Variants in RFX2 observed in about 807,000 individuals in gnomAD.
The protein encoded by RFX2 is DNA-binding protein RFX2.
A neutral mutation model predicts 87.8 loss-of-function variants in RFX2; 20 were observed. The observed-to-expected ratio is 0.23, with a 90% CI of 0.16 to 0.33. The LOEUF (loss-of-function observed/expected upper bound fraction) is 0.33, where lower values mean the gene tolerates loss of function less well. Ranked by LOEUF, RFX2 falls within the 10% of genes least tolerant of loss-of-function variation. The pLI is 1.00. For missense variants in RFX2, 767 were observed against 1,012.3 expected (o/e 0.76, Z 3.29); for synonymous variants, 397 against 431.3 (o/e 0.92, Z 0.98).
chr19:6,042,094 G>A lies in RFX2; in HGVS notation c.210C>T (p.Ala70=). ...CTCCCCCTTCCACGTACTGCACCTG[G>A]GCAGGATACACGTGCTGCACCGGCT... The part of the protein sequence containing the change: ...QVQPVQHVYP[A]QVQYVEGGDA... The change falls in exon 4 of 18, where the codon GCC becomes GCT. Residue 70 remains alanine (A), a synonymous_variant. Transcript: ENST00000303657. 1 of 1,613,920 alleles carries A rather than the reference G, an allele frequency of 6.2e-7. No homozygotes were observed. Among genetic ancestry groups the A allele is most frequent in the Non-Finnish European group, 8.5e-7 (1 of 1,180,004 alleles).
Position 6,044,222 on chromosome 19 carries a change from G to A in RFX2, c.151C>T (p.Leu51Phe). ...TGGGGTACCTGCTGAACTCTGGGGA[G>A]GGAGATCGGCTGCATCTGGGCCCCT... is the stretch of plus-strand genomic sequence containing the variant. ...PKGAQMQPIS[L>F]PRVQQVPQQV... Residue 51 changes from leucine (L) to phenylalanine (F), a missense_variant, in exon 3 of 18, where the codon CTC (leucine) becomes TTC (phenylalanine). Around this residue, in one of 2 missense-constraint regions of RFX2, gnomAD observed 146 missense variants for 139.2 expected, o/e 1.05. Transcript: ENST00000303657. The surrounding 1 kb of genome is among the most constrained non-coding windows in gnomAD (Gnocchi z 5.3). The A allele has an allele frequency of 1.3e-6, 2 of 1,579,414 alleles. No homozygotes were observed. The highest frequency in any genetic ancestry group is 1.7e-6 in the Non-Finnish European group (2 of 1,163,020).
At chr19:6,096,808 C>T (rs147148976) in intron 1 of RFX2, among the ~76,000 whole-genome samples, 35 of 152,250 alleles carry the variant, frequency 2.3e-4, no homozygotes, top group Middle Eastern at 6.8e-3. Context: ...TTTAATTCAA[C>T]GCACTCCTGG....
rs546585115 is a variant in RFX2, at chr19:6,106,611, T to C, written c.-9+3782A>G. 2.3e-4 allele frequency among the ~76,000 whole-genome samples: 35 copies of C among 152,162 alleles called. No individual in the cohort carries two copies. In the South Asian group the frequency reaches 7.3e-3, roughly 32 times the overall value. ...GTTTAGTGGGAATGCCCTGGACCCA[T>C]AGTTTCAGAGACAGGCCCACAGACT... On this transcript the variant is annotated intron_variant, in intron 1 of 17. Coordinates refer to ENST00000303657, the MANE Select transcript of RFX2 (RefSeq NM_000635.4).
intron 12 of RFX2, 136 bp downstream of exon 12, chr19:6,006,876 G>A (rs957998794): frequency 1.1e-6 from 1 of 948,194 alleles, no homozygotes. Context: ...ACTGGCATGA[G>A]CCACCGCGCC....
At chr19:6,062,677 T>C (rs144003670) in intron 1 of RFX2, among the ~76,000 whole-genome samples, 9 of 152,348 alleles carry the variant, frequency 5.9e-5, no homozygotes, top group African/African-American at 1.7e-4. Context: ...ATTGGAGCTA[T>C]CATGAACTGA....
At chr19:6,084,914 G>A (rs1014048854) in intron 1 of RFX2, among the ~76,000 whole-genome samples, 3 of 152,204 alleles carry the variant, frequency 2.0e-5, no homozygotes, top group Non-Finnish European at 4.4e-5. Flanking sequence ...TGGGATTAGA[G>A]GTGTGAGCCA....
At chr19:6,014,059 G>A (rs2086693505) in intron 7 of RFX2, among the ~76,000 whole-genome samples, 1 of 152,092 alleles carries the variant, frequency 6.6e-6, no homozygotes. Flanking sequence ...ATGATGATCA[G>A]AGGGCTTTAA....
chr19:6,043,431 T>C (rs2087140787), intron 3 of RFX2, among the ~76,000 whole-genome samples: 1 of 152,354 alleles, frequency 6.6e-6, no homozygotes, highest in East Asian at 1.9e-4. Flanking sequence ...GTGCATTCTC[T>C]AGGGCCTCAG....
intron 1 of RFX2, among the ~76,000 whole-genome samples, chr19:6,062,035 G>T (rs2087441431): frequency 6.6e-6 from 1 of 152,128 alleles, no homozygotes; most frequent in African/African-American, 2.4e-5. Flanking sequence ...GGTGGCTGAT[G>T]TCTGTAATTC....
rs1439425246 is a variant in RFX2 at position 6,056,307 on chromosome 19, G to A, written c.-8-8803C>T. 6.6e-6 allele frequency among the ~76,000 whole-genome samples: 1 copy of A among 152,190 alleles called. No homozygotes were observed. Among genetic ancestry groups the A allele is most frequent in the African/African-American group, 2.4e-5 (1 of 41,448 alleles). The stretch of plus-strand genomic sequence containing the variant: ...CCTGTAGAGGGTGGTGGCTTCATAA[G>A]TTTCATTGCATTGTGTATTTACTTT... On this transcript the variant is annotated intron_variant, in intron 1 of 17. Transcript: ENST00000303657. The surrounding 1 kb of genome is among the most constrained non-coding windows in gnomAD (Gnocchi z 4.6).
chr19:6,018,631 T>C (rs1315205987), intron 6 of RFX2, among the ~76,000 whole-genome samples: 3 of 152,212 alleles, frequency 2.0e-5, no homozygotes, highest in African/African-American at 7.2e-5. Context: ...CCAGATGTGT[T>C]ACTTTGGAAC....
In RFX2 at chr19:6,042,505, T is replaced by TTTTG. The variant is rs1555776970; in HGVS notation, c.181-386_181-383dup. On this transcript the variant is annotated intron_variant, in intron 3 of 17. Coordinates refer to ENST00000303657, the MANE Select transcript of RFX2 (RefSeq NM_000635.4). ...ACTGTCCCTGGTTTCTGTTTTTTTT[T>TTTTG]TTTGTTTGTTTGTTTGTTTTTTTGC... Among the ~76,000 whole-genome samples the TTTTG allele has an allele frequency of 1.3e-5, 2 of 151,990 alleles. 1 individual carries two copies. The highest frequency in any genetic ancestry group is 1.3e-4 in the Admixed American group (2 of 15,276).
intron 1 of RFX2, among the ~76,000 whole-genome samples, chr19:6,079,097 A>T (rs552449790): frequency 6.6e-6 from 1 of 152,344 alleles, no homozygotes; most frequent in East Asian, 1.9e-4. Context: ...ATCATTTTAA[A>T]AGTTGTAATT....
intron 1 of RFX2, among the ~76,000 whole-genome samples, chr19:6,059,831 GATAAT>G: frequency 6.6e-6 from 1 of 152,184 alleles, no homozygotes; most frequent in South Asian, 2.1e-4. Context: ...CCTGACGCAG[GATAAT>G]ATGAGAAGAA....
Position 6,064,160 on chromosome 19 carries a change from C to T in RFX2, c.-8-16656G>A, listed in dbSNP as rs1233992112. Among the ~76,000 whole-genome samples, 2 of 152,208 alleles carry T rather than the reference C, an allele frequency of 1.3e-5. No homozygotes were observed. The highest frequency in any genetic ancestry group is 2.9e-5 in the Non-Finnish European group (2 of 68,034). ...TGCTCAAGACGTGTTTTGCAATGAA[C>T]AAGAGAATGAGCAGCCCGCCTGCTC... On this transcript the variant is annotated intron_variant, in intron 1 of 17. Coordinates refer to ENST00000303657, the MANE Select transcript of RFX2 (RefSeq NM_000635.4). This position sits in a 1 kb window ranked among gnomAD's most constrained non-coding sequence, Gnocchi z 4.8.
Position 6,001,783 on chromosome 19 carries a change from C to T in RFX2, c.1859+32G>A, listed in dbSNP as rs750208184. On this transcript the variant is annotated intron_variant, in intron 15 of 17. Transcript: ENST00000303657. The surrounding 1 kb of genome is among the most constrained non-coding windows in gnomAD (Gnocchi z 5.6). The stretch of plus-strand genomic sequence containing the variant: ...GTTTCTCTCAGAGCCCCCCACCCGC[C>T]AGAATTCTCTCGGAGGTCTGGTGGG... 73 of 1,553,476 alleles carry T rather than the reference C, an allele frequency of 4.7e-5. No individual in the cohort carries two copies. The highest frequency in any genetic ancestry group is 1.7e-4 in the Middle Eastern group (1 of 5,720).
At chr19:6,058,371 G>A (rs942295613) in intron 1 of RFX2, among the ~76,000 whole-genome samples, 2 of 152,194 alleles carry the variant, frequency 1.3e-5, no homozygotes, top group African/African-American at 2.4e-5. Flanking sequence ...AACAGCCCCC[G>A]AGTAAAACAG....
intron 1 of RFX2, among the ~76,000 whole-genome samples, chr19:6,096,647 C>T (rs745874924): frequency 6.6e-5 from 10 of 152,154 alleles, no homozygotes; most frequent in Admixed American, 1.3e-4. Context: ...GGGGTTTCAC[C>T]ATGTTAGCCA....
Position 6,086,237 on chromosome 19 carries a change from GC to G in RFX2, c.-9+24155del, listed in dbSNP as rs1192323719. On this transcript the variant is annotated intron_variant, in intron 1 of 17. Transcript: ENST00000303657. ...GGCACCCTTGCAGGAGTAAAATACG[GC>G]CATGAGTCGCTTCCTGACAGGGATA... Among the ~76,000 whole-genome samples the G allele has an allele frequency of 2.0e-5, 3 of 152,188 alleles. No homozygotes were observed. In the East Asian group the frequency reaches 5.8e-4, roughly 29 times the overall value.
Sources: allele counts gnomAD v4.1 joint callset (sites outside exome capture counted in the v4.1 genomes callset), GRCh38; gene constraint gnomAD v4.1.1; regional missense constraint gnomAD v4.1.1; non-coding constraint Gnocchi (gnomAD v3.1); transcripts MANE v1.5; gene names NCBI Gene and HGNC (gene_info 2026-07-23, HGNC 2026-07-21).